Variants in HARBI1 observed in about 807,000 individuals in gnomAD.
The protein encoded by HARBI1 is putative nuclease HARBI1.
Under a neutral mutation model 25.3 loss-of-function variants are expected in HARBI1, and 15 were observed. The observed-to-expected ratio is 0.59, with a 90% CI of 0.40 to 0.91. The LOEUF is 0.91. Ranked by LOEUF, HARBI1 falls within the 40% of genes least tolerant of loss-of-function variation. The pLI is 0.00. For missense variants in HARBI1, 396 were observed against 445.8 expected, an observed-to-expected ratio of 0.89 and a Z score of 1.01; for synonymous variants, 168 against 160.5, an observed-to-expected ratio of 1.05 and a Z score of -0.35.
chr11:46,605,587 C>CTTTT (rs11333482), intron 2 of HARBI1, among the ~76,000 whole-genome samples: 14 of 90,216 alleles, frequency 1.6e-4, no homozygotes, highest in African/African-American at 3.4e-4. Flanking sequence ...CAGGTATAAC[C>CTTTT]TTTTTTTTTT....
intron 2 of HARBI1, 29 bp downstream of exon 2, chr11:46,615,538 CA>C (rs1192918431): frequency 1.9e-6 from 3 of 1,598,670 alleles, no homozygotes; most frequent in Non-Finnish European, 2.6e-6. Flanking sequence ...TGCCTCCAAA[CA>C]AAATGAAAAT....
At position 46,607,689 on chromosome 11, in the gene HARBI1, TA is replaced by T. The variant is rs1189904770; in HGVS notation, c.671-3781del. Among the ~76,000 whole-genome samples the T allele has an allele frequency of 2.6e-5, 4 of 152,302 alleles. No individual in the cohort carries two copies. In the South Asian group the frequency reaches 6.2e-4, roughly 24 times the overall value. On this transcript the variant is annotated intron_variant, in intron 2 of 2. Transcript: ENST00000326737. ...AAGAGGGGATTAGGATCAGAATTGC[TA>T]AACAGATTACAATTGCTTATATGAT...
At chr11:46,613,129 G>A (rs1019288936) in intron 2 of HARBI1, among the ~76,000 whole-genome samples, 4 of 151,280 alleles carry the variant, frequency 2.6e-5, no homozygotes, top group Admixed American at 6.6e-5. Flanking sequence ...ACAGGCATGC[G>A]CCACCATGTC....
chr11:46,616,732 T>A, intron 1 of HARBI1: 1 of 986,316 alleles, frequency 1.0e-6, no homozygotes, highest in Non-Finnish European at 1.2e-6. Flanking sequence ...TGGGTAAGAA[T>A]TGGTCACGGG....
intron 2 of HARBI1, among the ~76,000 whole-genome samples, chr11:46,606,634 ATTTAC>A (rs765054803): frequency 1.8e-4 from 27 of 151,744 alleles, no homozygotes; most frequent in South Asian, 8.3e-4. Context: ...TTCAATATTT[ATTTAC>A]TTTACTTTAG....
At chr11:46,616,720 C>T (rs2045515315) in intron 1 of HARBI1, 1 of 987,740 alleles carries the variant, frequency 1.0e-6, no homozygotes, top group African/African-American at 1.8e-5. Flanking sequence ...TCATAACCAC[C>T]TTGGGTAAGA....
In HARBI1 at chr11:46,616,281, G is replaced by A; in HGVS notation, c.-44C>T. 1.3e-6 allele frequency: 2 copies of A among 1,558,380 alleles called. No homozygotes were observed. The highest frequency in any genetic ancestry group is 1.7e-6 in the Non-Finnish European group (2 of 1,158,156). On this transcript the variant is annotated 5_prime_UTR_variant, in exon 2 of 3. Coordinates refer to ENST00000326737, the MANE Select transcript of HARBI1 (RefSeq NM_173811.4). ...CTCTCCTCTTTGCTTTTTCTGAACT[G>A]TTCCCAATGAAGATGTTGGTGCAAG... is the stretch of plus-strand genomic sequence containing the variant.
In HARBI1 at chr11:46,616,831, CAAAAAAAAAA is replaced by C. The variant is rs749013239; in HGVS notation, c.-145+283_-145+292del. On this transcript the variant is annotated intron_variant, in intron 1 of 2. Coordinates refer to ENST00000326737, the MANE Select transcript of HARBI1 (RefSeq NM_173811.4). Reference sequence around the variant, plus strand: ...ACCAGTCTAACAAGAAAAGAAGGGGCAAAAAAAAAAAAAAAAAAAAAAAAAAAAAAACAAC... The same window carrying C: ...ACCAGTCTAACAAGAAAAGAAGGGGCAAAAAAAAAAAAAAAAAAAAACAAC... 402 of 604,854 alleles carry C rather than the reference CAAAAAAAAAA, an allele frequency of 6.6e-4. 2 individuals carry two copies. The highest frequency in any genetic ancestry group is 4.6e-3 in the African/African-American group (68 of 14,872). The allele number at this position is 604,854 out of a possible 1,614,324, so 37.5% of individuals were successfully genotyped here. A position where few individuals can be genotyped will look rare whatever the true frequency, so the allele number is the denominator to read the frequency against.
rs145722701 is a variant in HARBI1, at chr11:46,608,072, G to A, written c.671-4163C>T. 4.8e-3 allele frequency among the ~76,000 whole-genome samples: 734 copies of A among 152,258 alleles called. 3 individuals carry two copies. Among genetic ancestry groups the A allele is most frequent in the Non-Finnish European group, 7.9e-3 (540 of 68,026 alleles). On this transcript the variant is annotated intron_variant, in intron 2 of 2. Coordinates refer to ENST00000326737, the MANE Select transcript of HARBI1 (RefSeq NM_173811.4). ...CCAGCACTTTGGGAGGCCACAGTGG[G>A]TGGATCACCTGAGGTTGGGAGTTTG...
chr11:46,611,782 C>G (rs1166502738), intron 2 of HARBI1, among the ~76,000 whole-genome samples: 1 of 151,698 alleles, frequency 6.6e-6, no homozygotes, highest in Non-Finnish European at 1.5e-5. Flanking sequence ...CCCAAGTACT[C>G]CCACAGCTAC....
chr11:46,615,918 A>G lies in HARBI1; in HGVS notation c.320T>C (p.Val107Ala), dbSNP rs146331633. ...QASMSRCVAN[V>A]TEALVERASQ... is the part of the protein sequence containing the mutation. ...GGCCCTTTCCACAAGTGCTTCAGTG[A>G]CATTGGCAACACAACGACTCATAGA... The change falls in exon 2 of 3, where the codon GTC (valine) becomes GCC (alanine). Residue 107 changes from valine to alanine, a missense_variant. By Grantham distance (64) the Val-to-Ala change is moderately conservative (BLOSUM62 0). Coordinates refer to ENST00000326737, the MANE Select transcript of HARBI1 (RefSeq NM_173811.4). The G allele has an allele frequency of 1.1e-4, 174 of 1,614,084 alleles. No homozygotes were observed. Among genetic ancestry groups the G allele is most frequent in the Non-Finnish European group, 1.4e-4 (167 of 1,180,042 alleles).
chr11:46,610,521 G>A lies in HARBI1; in HGVS notation c.670+5047C>T, dbSNP rs186124056. On this transcript the variant is annotated intron_variant, in intron 2 of 2. Transcript: ENST00000326737. The stretch of plus-strand genomic sequence containing the variant: ...TAAAAATACAAAAAATTAGCTGGGC[G>A]TGGTGGCGGGCGCCTATAGTCCCAG... 7.4e-4 allele frequency among the ~76,000 whole-genome samples: 113 copies of A among 151,948 alleles called. No homozygotes were observed. In the East Asian group the frequency reaches 0.02, roughly 27 times the overall value.
At chr11:46,607,205 T>C (rs1275909681) in intron 2 of HARBI1, among the ~76,000 whole-genome samples, 1 of 141,068 alleles carries the variant, frequency 7.1e-6, no homozygotes, top group African/African-American at 2.7e-5. Context: ...GAGGATGCAG[T>C]GAGCCGAGAT....
upstream of HARBI1, chr11:46,617,605 G>A: frequency 4.0e-6 from 1 of 250,094 alleles, no homozygotes; most frequent in Non-Finnish European, 7.3e-6. Context: ...GCGCCGGGAA[G>A]CGACCGGCTG....
intron 2 of HARBI1, among the ~76,000 whole-genome samples, chr11:46,608,241 T>C (rs1025693228): frequency 1.3e-5 from 2 of 152,262 alleles, no homozygotes; most frequent in African/African-American, 4.8e-5. Flanking sequence ...CAGGTTGCAG[T>C]GAGCTGAGAT....
intron 2 of HARBI1, among the ~76,000 whole-genome samples, chr11:46,609,475 T>C (rs1262781483): frequency 6.9e-6 from 1 of 145,410 alleles, no homozygotes; most frequent in Non-Finnish European, 1.5e-5. Flanking sequence ...GCCTCCTGAG[T>C]AGCTGGAATC....
At chr11:46,615,402 G>C (rs942027609) in intron 2 of HARBI1, among the ~76,000 whole-genome samples, 166 bp downstream of exon 2, 15 of 151,096 alleles carry the variant, frequency 9.9e-5, no homozygotes, top group African/African-American at 3.7e-4. Context: ...ATTTTTAGTA[G>C]AGACAAGATT....
chr11:46,603,499 T>A lies in HARBI1; in HGVS notation c.*31A>T. On this transcript the variant is annotated 3_prime_UTR_variant, in exon 3 of 3. Transcript: ENST00000326737. ...GAGGAGGAAAGTCTGTCACAACTCC[T>A]GGGAAGTATCCCTCCTCTCCACCTT... is the stretch of plus-strand genomic sequence containing the variant. The A allele has an allele frequency of 2.6e-6, 4 of 1,543,932 alleles. No individual in the cohort carries two copies. The highest frequency in any genetic ancestry group is 3.5e-6 in the Non-Finnish European group (4 of 1,142,378).
chr11:46,614,566 C>T (rs964481062), intron 2 of HARBI1, among the ~76,000 whole-genome samples: 4 of 151,748 alleles, frequency 2.6e-5, no homozygotes, highest in African/African-American at 7.3e-5. Flanking sequence ...TGAGACTCTG[C>T]CTCTACACAA....
Sources: gnomAD v4.1 joint callset for allele counts (sites outside exome capture counted in the v4.1 genomes callset) on GRCh38, gnomAD v4.1.1 for gene constraint, MANE v1.5 for transcripts, NCBI Gene and HGNC (gene_info 2026-07-23, HGNC 2026-07-21) for gene names.